Variants in CSNK2A3 observed in about 807,000 individuals in gnomAD.
CSNK2A3 encodes casein kinase II subunit alpha 3.
In CSNK2A3, 31 loss-of-function variants were observed where a neutral mutation model predicts 36.5. The ratio of observed to expected loss-of-function variants is 0.85; its 90% CI spans 0.64 to 1.15. CSNK2A3 has a LOEUF of 1.15. Ranked by LOEUF, CSNK2A3 falls within the 50% of genes most tolerant of loss-of-function variation. CSNK2A3 has a pLI of 0.00. For missense variants in CSNK2A3, 443 were observed against 487.2 expected (o/e 0.91, Z 0.85); for synonymous variants, 152 against 176.3 (o/e 0.86, Z 1.09).
Position 11,352,918 on chromosome 11 carries a change from T to C in CSNK2A3, c.202A>G (p.Lys68Glu). 6.2e-7 allele frequency: 1 copy of C among 1,614,228 alleles called. No homozygotes were observed. The highest frequency in any genetic ancestry group is 8.5e-7 in the Non-Finnish European group (1 of 1,180,030). ...TTCTTTTTTACTGGCTTGAGAATTTTAACAACAACTTTTTCATTATTTGTG... is the reference window on the plus strand; with the variant it reads ...TTCTTTTTTACTGGCTTGAGAATTTCAACAACAACTTTTTCATTATTTGTG... ...NITNNEKVVVKILKPVKKKKI... is the reference protein window; with the variant it reads ...NITNNEKVVVEILKPVKKKKI... Residue 68 changes from lysine to glutamate, a missense_variant, in exon 1 of 1, where the codon AAA becomes GAA. Physicochemically the swap from Lys to Glu is moderately conservative, Grantham distance 56 (BLOSUM62 1). Transcript: ENST00000528848.
chr11:11,352,683 TA>T, the CSNK2A3 span: 1 of 1,613,446 alleles, frequency 6.2e-7, no homozygotes, highest in Non-Finnish European at 8.5e-7. Flanking sequence ...GCTGTGACAA[TA>T]ATCCAGGGCC....
Position 11,352,997 on chromosome 11 carries a change from C to T in CSNK2A3, c.123G>A (p.Leu41=). ...ATTTACCTCGGCCTAATTTTCGAAC[C>T]AGCTGGTAGTCATCTTGATTTCCCC... ...VEWGNQDDYQ[L]VRKLGRGKYS... The change falls in exon 1 of 1, where the codon CTG becomes CTA. Residue 41 remains leucine, a synonymous_variant. Coordinates refer to ENST00000528848, the MANE Select transcript of CSNK2A3 (RefSeq NM_001256686.2). The T allele has an allele frequency of 2.5e-6, 4 of 1,614,132 alleles. No individual in the cohort carries two copies. Among genetic ancestry groups the T allele is most frequent in the Non-Finnish European group, 3.4e-6 (4 of 1,180,028 alleles).
the CSNK2A3 span, chr11:11,352,893 TTC>T: frequency 1.2e-6 from 2 of 1,614,206 alleles, no homozygotes; most frequent in South Asian, 2.2e-5. Flanking sequence ...CTTAATTTTC[TTC>T]TTTTTTACTG....
rs745342184 is a variant in CSNK2A3, at chr11:11,352,792, C to A, written c.328G>T (p.Ala110Ser). 6.2e-7 allele frequency: 1 copy of A among 1,614,082 alleles called. No homozygotes were observed. The highest frequency in any genetic ancestry group is 8.5e-7 in the Non-Finnish European group (1 of 1,180,022). The part of the protein sequence containing the change: ...IVKDPVSRTP[A>S]LVFEHVNNTD... ...TTGTTTACGTGTTCAAAAACCAAGG[C>A]GGGGGTTCGTGACACAGGGTCTTTT... The change falls in exon 1 of 1, where the codon GCC becomes TCC. Residue 110 changes from alanine (A) to serine (S), a missense_variant. Ala to Ser is a moderately conservative substitution (Grantham distance 99). Coordinates refer to ENST00000528848, the MANE Select transcript of CSNK2A3 (RefSeq NM_001256686.2).
At position 11,352,309 on chromosome 11, in the gene CSNK2A3, C is replaced by G. The variant is rs1470198598; in HGVS notation, c.811G>C (p.Asp271His). The change falls in exon 1 of 1, where the codon GAT becomes CAT. Residue 271 changes from aspartate (D) to histidine (H), a missense_variant. By Grantham distance (81) the Asp-to-His change is moderately conservative. Transcript: ENST00000528848. ...YNIELDPRFNDILGRHSRKRW... is the reference protein window; with the variant it reads ...YNIELDPRFNHILGRHSRKRW... ...TTTCGAGAGTGTCTGCCCAAGATAT[C>G]ATTGAAACGTGGATCTAATTCAATG... The G allele has an allele frequency of 1.2e-6, 2 of 1,614,088 alleles. No homozygotes were observed. Among genetic ancestry groups the G allele is most frequent in the South Asian group, 2.2e-5 (2 of 91,066 alleles).
chr11:11,352,753 G>C lies in CSNK2A3; in HGVS notation c.367C>G (p.Gln123Glu). ...TAGTCTGTTAACGTCTGGTACAATT[G>C]CTTGAAGTCTGTGTTGTTTACGTGT... ...FEHVNNTDFKQLYQTLTDYDI... is the reference protein window; with the variant it reads ...FEHVNNTDFKELYQTLTDYDI... The change falls in exon 1 of 1, where the codon CAA becomes GAA. Residue 123 changes from glutamine (Q) to glutamate (E), a missense_variant. Physicochemically the swap from Gln to Glu is conservative, Grantham distance 29. Transcript: ENST00000528848. 1 of 1,614,128 alleles carries C rather than the reference G, an allele frequency of 6.2e-7. No homozygotes were observed. The highest frequency in any genetic ancestry group is 8.5e-7 in the Non-Finnish European group (1 of 1,180,028).
chr11:11,353,140 A>C lies in CSNK2A3; in HGVS notation c.-21T>G, dbSNP rs1295311812. Reference sequence around the variant, plus strand: ...GACATGTCAGACAGGTTGGCGGACAAAGCTGGACTTGATGTTTGGAGATCT... The same window carrying C: ...GACATGTCAGACAGGTTGGCGGACACAGCTGGACTTGATGTTTGGAGATCT... On this transcript the variant is annotated 5_prime_UTR_variant, in exon 1 of 1. Coordinates refer to ENST00000528848, the MANE Select transcript of CSNK2A3 (RefSeq NM_001256686.2). 1.2e-6 allele frequency: 2 copies of C among 1,613,226 alleles called. No homozygotes were observed. Among genetic ancestry groups the C allele is most frequent in the Admixed American group, 3.3e-5 (2 of 60,010 alleles).
chr11:11,352,924 C>T lies in CSNK2A3; in HGVS notation c.196G>A (p.Val66Ile). The change falls in exon 1 of 1, where the codon GTT becomes ATT. Residue 66 changes from valine to isoleucine, a missense_variant. Val to Ile is a conservative substitution (Grantham distance 29). Transcript: ENST00000528848. ...TTTACTGGCTTGAGAATTTTAACAA[C>T]AACTTTTTCATTATTTGTGATGTTG... ...AINITNNEKV[V>I]VKILKPVKKK... 1 of 1,614,080 alleles carries T rather than the reference C, an allele frequency of 6.2e-7. No homozygotes were observed. The highest frequency in any genetic ancestry group is 1.3e-5 in the African/African-American group (1 of 75,000).
In CSNK2A3 at chr11:11,352,802, T is replaced by C; in HGVS notation, c.318A>G (p.Ser106=). Residue 106 remains serine, a synonymous_variant, in exon 1 of 1, where the codon TCA becomes TCG. Transcript: ENST00000528848. ...GTTCAAAAACCAAGGCGGGGGTTCG[T>C]GACACAGGGTCTTTTACAATGTCTG... ...TLADIVKDPV[S]RTPALVFEHV... is the part of the protein sequence containing the mutation. 1.2e-6 allele frequency: 2 copies of C among 1,614,198 alleles called. 1 individual carries two copies. The highest frequency in any genetic ancestry group is 2.2e-5 in the South Asian group (2 of 91,080).
Position 11,352,540 on chromosome 11 carries a change from A to G in CSNK2A3, c.580T>C (p.Ser194Pro), listed in dbSNP as rs2133068626. ...PGQEYNVRVA[S>P]RYFKGPELLV... is the part of the protein sequence containing the mutation. ...AGCTCAGGACCTTTGAAGTATCGGG[A>G]AGCAACTCGGACATTATATTCTTGG... is the stretch of plus-strand genomic sequence containing the variant. Residue 194 changes from serine (S) to proline (P), a missense_variant, in exon 1 of 1, where the codon TCC becomes CCC. Physicochemically the swap from Ser to Pro is moderately conservative, Grantham distance 74. Transcript: ENST00000528848. 1 of 1,614,136 alleles carries G rather than the reference A, an allele frequency of 6.2e-7. No homozygotes were observed. The highest frequency in any genetic ancestry group is 1.1e-5 in the South Asian group (1 of 91,058).
Position 11,352,550 on chromosome 11 carries a change from G to A in CSNK2A3, c.570C>T (p.Val190=), listed in dbSNP as rs771045876. ...EFYHPGQEYN[V]RVASRYFKGP... is the part of the protein sequence containing the mutation. ...CTTTGAAGTATCGGGAAGCAACTCG[G>A]ACATTATATTCTTGGCCAGGATGAT... Residue 190 remains valine, a synonymous_variant, in exon 1 of 1, where the codon GTC becomes GTT. Transcript: ENST00000528848. 6.2e-7 allele frequency: 1 copy of A among 1,614,084 alleles called. No homozygotes were observed. The highest frequency in any genetic ancestry group is 1.3e-5 in the African/African-American group (1 of 75,016).
At position 11,352,304 on chromosome 11, in the gene CSNK2A3, G is replaced by A. The variant is rs765194100; in HGVS notation, c.816C>T (p.Ile272=). The change falls in exon 1 of 1, where the codon ATC becomes ATT. Residue 272 remains isoleucine (I), a synonymous_variant. Transcript: ENST00000528848. ...ATCGCTTTCGAGAGTGTCTGCCCAA[G>A]ATATCATTGAAACGTGGATCTAATT... ...NIELDPRFND[I]LGRHSRKRWE... 4 of 1,613,978 alleles carry A rather than the reference G, an allele frequency of 2.5e-6. No individual in the cohort carries two copies. The highest frequency in any genetic ancestry group is 3.4e-6 in the Non-Finnish European group (4 of 1,180,036).
In CSNK2A3 at chr11:11,352,409, G is replaced by A. The variant is rs766297104; in HGVS notation, c.711C>T (p.Asp237=). The A allele has an allele frequency of 4.6e-5, 75 of 1,613,896 alleles. No homozygotes were observed. The African/African-American group carries it at 9.5e-4, about 20-fold the overall frequency. ...FRKEPFFHGR[D]NYDQLVRIAK... ...CTATCCTCACCAACTGATCATAATT[G>A]TCACGTCCATGGAAAAATGGCTCCT... Residue 237 remains aspartate (D), a synonymous_variant, in exon 1 of 1, where the codon GAC becomes GAT. Coordinates refer to ENST00000528848, the MANE Select transcript of CSNK2A3 (RefSeq NM_001256686.2).
chr11:11,352,282 G>T lies in CSNK2A3; in HGVS notation c.838C>A (p.Arg280=). 1 of 1,614,074 alleles carries T rather than the reference G, an allele frequency of 6.2e-7. No homozygotes were observed. ...NDILGRHSRK[R]WERFVHSENQ... ...TCACTGTGGACAAAGCGTTCCCATC[G>T]CTTTCGAGAGTGTCTGCCCAAGATA... Residue 280 remains arginine, a synonymous_variant, in exon 1 of 1, where the codon CGA becomes AGA. Coordinates refer to ENST00000528848, the MANE Select transcript of CSNK2A3 (RefSeq NM_001256686.2).
chr11:11,353,152 A>T lies in CSNK2A3; in HGVS notation c.-33T>A, dbSNP rs1277803601. ...AGGTTGGCGGACAAAGCTGGACTTG[A>T]TGTTTGGAGATCTGGCAGTCACTGT... On this transcript the variant is annotated 5_prime_UTR_variant, in exon 1 of 1. Coordinates refer to ENST00000528848, the MANE Select transcript of CSNK2A3 (RefSeq NM_001256686.2). 3.7e-6 allele frequency: 6 copies of T among 1,611,108 alleles called. No individual in the cohort carries two copies. The highest frequency in any genetic ancestry group is 5.1e-6 in the Non-Finnish European group (6 of 1,177,602).
In CSNK2A3 at chr11:11,352,102, G is replaced by C; in HGVS notation, c.1018C>G (p.Pro340Ala). 1 of 1,613,600 alleles carries C rather than the reference G, an allele frequency of 6.2e-7. No homozygotes were observed. Among genetic ancestry groups the C allele is most frequent in the African/African-American group, 1.3e-5 (1 of 74,816 alleles). ...DQARMGSSSM[P>A]GGSTPVSSAN... ...CTGCTGACGGGCGTACTGCCCCCTG[G>C]CATGCTAGATGAACCCATTCGAGCC... Residue 340 changes from proline (P) to alanine (A), a missense_variant, in exon 1 of 1, where the codon CCA becomes GCA. Coordinates refer to ENST00000528848, the MANE Select transcript of CSNK2A3 (RefSeq NM_001256686.2).
chr11:11,352,168 C>T lies in CSNK2A3; in HGVS notation c.952G>A (p.Ala318Thr), dbSNP rs766115254. 2 of 1,613,682 alleles carry T rather than the reference C, an allele frequency of 1.2e-6. No individual in the cohort carries two copies. Among genetic ancestry groups the T allele is most frequent in the South Asian group, 1.1e-5 (1 of 90,990 alleles). ...GTGTAGAAATAGGGGTGCTCCATGG[C>T]CTCTCTTGCAGTAAGCCGTGACTGG... The part of the protein sequence containing the change: ...DHQSRLTARE[A>T]MEHPYFYTVV... Residue 318 changes from alanine to threonine, a missense_variant, in exon 1 of 1, where the codon GCC becomes ACC. Transcript: ENST00000528848.
In CSNK2A3 at chr11:11,352,890, T is replaced by G. The variant is rs1362742942; in HGVS notation, c.230A>C (p.Lys77Thr). 3 of 1,613,960 alleles carry G rather than the reference T, an allele frequency of 1.9e-6. No homozygotes were observed. Among genetic ancestry groups the G allele is most frequent in the Non-Finnish European group, 2.5e-6 (3 of 1,180,022 alleles). The change falls in exon 1 of 1, where the codon AAA becomes ACA. Residue 77 changes from lysine to threonine, a missense_variant. Physicochemically the swap from Lys to Thr is moderately conservative, Grantham distance 78 (BLOSUM62 -1). Coordinates refer to ENST00000528848, the MANE Select transcript of CSNK2A3 (RefSeq NM_001256686.2). ...CAAAATCTTTATTTCACGCTTAATT[T>G]TCTTCTTTTTTACTGGCTTGAGAAT... ...VKILKPVKKKKIKREIKILEN... is the reference protein window; with the variant it reads ...VKILKPVKKKTIKREIKILEN...
the CSNK2A3 span, chr11:11,352,403 A>T: frequency 6.2e-7 from 1 of 1,614,150 alleles, no homozygotes; most frequent in Non-Finnish European, 8.5e-7. Flanking sequence ...CCAACTGATC[A>T]TAATTGTCAC....
Sources: gnomAD v4.1 joint callset for allele counts on GRCh38, gnomAD v4.1.1 for gene constraint, MANE v1.5 for transcripts, NCBI Gene and HGNC (gene_info 2026-07-23, HGNC 2026-07-21) for gene names.